CDH19: variants seen among roughly 807,000 people sequenced by gnomAD.
CDH19 encodes the protein cadherin 19.
A neutral mutation model predicts 64.2 loss-of-function variants in CDH19; 67 were observed. The observed-to-expected ratio is 1.04, with a 90% CI of 0.86 to 1.28. The LOEUF (loss-of-function observed/expected upper bound fraction) is 1.28. Ranked by LOEUF, CDH19 falls within the 50% of genes most tolerant of loss-of-function variation. The pLI, the probability that CDH19 is intolerant of heterozygous loss-of-function variation, is 0.00. For synonymous variants in CDH19, 346 were observed against 319.3 expected (o/e 1.08, Z -0.89); for missense variants, 1,030 against 929.0 (o/e 1.11, Z -1.41).
intron 9 of CDH19, among the ~76,000 whole-genome samples, chr18:66,524,627 TTAAAAA>T (rs1986149574): frequency 6.7e-6 from 1 of 149,964 alleles, no homozygotes; most frequent in African/African-American, 2.4e-5. Context: ...AAAAATATTT[TTAAAAA>T]TAAAAATAAA....
chr18:66,522,871 T>C (rs1296571470), intron 9 of CDH19, among the ~76,000 whole-genome samples: 2 of 151,696 alleles, frequency 1.3e-5, no homozygotes, highest in Non-Finnish European at 2.9e-5. Flanking sequence ...CTGTAGCAAT[T>C]TGATAGAAAT....
chr18:66,532,489 T>TACACACACAC (rs34280650), intron 8 of CDH19: 17,966 of 146,526 alleles, frequency 0.12, 1,207 homozygotes, highest in South Asian at 0.17. Flanking sequence ...AGAGCATTCA[T>TACACACACAC]ACACACACAC....
chr18:66,535,914 T>C (rs1986649829), intron 7 of CDH19, among the ~76,000 whole-genome samples: 2 of 147,172 alleles, frequency 1.4e-5, no homozygotes, highest in Non-Finnish European at 3.0e-5. Flanking sequence ...TATTTTTACA[T>C]ATAATATATA....
At chr18:66,554,568 C>T in intron 3 of CDH19, 44 bp from the exon 4 acceptor site, 2 of 1,573,070 alleles carry the variant, frequency 1.3e-6, no homozygotes, top group Non-Finnish European at 1.7e-6. Flanking sequence ...TGGTTTTATT[C>T]AGGATGAATT....
In CDH19 at chr18:66,587,127, G is replaced by C. The variant is rs150753857; in HGVS notation, c.-112-14811C>G. Among the ~76,000 whole-genome samples the C allele has an allele frequency of 1.9e-3, 294 of 152,138 alleles. 1 individual carries two copies. Among genetic ancestry groups the C allele is most frequent in the African/African-American group, 6.5e-3 (270 of 41,526 alleles). ...AGGTGATATTTCATCCCAGCACTCT[G>C]ACTAATCCTGCTCTTCAGCAAAGGA... On this transcript the variant is annotated intron_variant, in intron 1 of 11. Transcript: ENST00000262150.
rs1568202156 is a variant in CDH19, at chr18:66,568,567, G to A, written c.339C>T (p.Tyr113=). The A allele has an allele frequency of 1.9e-6, 3 of 1,612,260 alleles. No homozygotes were observed. Among genetic ancestry groups the A allele is most frequent in the East Asian group, 4.5e-5 (2 of 44,810 alleles). ...QKLDREERSL[Y]ILRAQVIDIA... Reference sequence around the variant, plus strand: ...TGTCTATTACCTGGGCTCTTAAGATGTAGAGGGATCGCTCCTCTCTATCAA... The same window carrying A: ...TGTCTATTACCTGGGCTCTTAAGATATAGAGGGATCGCTCCTCTCTATCAA... The change falls in exon 3 of 12, where the codon TAC becomes TAT. Residue 113 remains tyrosine, a synonymous_variant. Coordinates refer to ENST00000262150, the MANE Select transcript of CDH19 (RefSeq NM_021153.4).
intron 1 of CDH19, among the ~76,000 whole-genome samples, chr18:66,595,524 A>AC (rs1202863214): frequency 6.6e-6 from 1 of 150,886 alleles, no homozygotes; most frequent in Non-Finnish European, 1.5e-5. Context: ...AAAAAAAAAA[A>AC]AAAAAAAAAA....
chr18:66,524,572 AC>A, intron 9 of CDH19, among the ~76,000 whole-genome samples: 1 of 147,132 alleles, frequency 6.8e-6, no homozygotes, highest in African/African-American at 2.5e-5. Context: ...ATATATATAA[AC>A]ATCATCATGC....
At chr18:66,575,737 C>T (rs1988247068) in intron 1 of CDH19, among the ~76,000 whole-genome samples, 1 of 151,628 alleles carries the variant, frequency 6.6e-6, no homozygotes, top group African/African-American at 2.4e-5. Context: ...TAAAATAATA[C>T]TAGAAGGAAA....
Position 66,572,315 on chromosome 18 carries a change from A to G in CDH19, c.-111T>C. On this transcript the variant is annotated splice_region_variant and 5_prime_UTR_variant, in exon 2 of 12. Coordinates refer to ENST00000262150, the MANE Select transcript of CDH19 (RefSeq NM_021153.4). ...TTCTGATTCTGTGTACCTTCTATAT[A>G]CCTAAAGCGTCAGAAACAAAACAAA... The G allele has an allele frequency of 1.4e-6, 1 of 689,682 alleles. No homozygotes were observed. 42.7% of individuals were successfully genotyped at this position (689,682 alleles called of 1,614,324 possible).
At chr18:66,523,917 G>A (rs1986103293) in intron 9 of CDH19, among the ~76,000 whole-genome samples, 1 of 150,086 alleles carries the variant, frequency 6.7e-6, no homozygotes, top group Admixed American at 6.6e-5. Context: ...TGGGGGCGGG[G>A]GGGTTGGGGG....
chr18:66,551,011 T>C (rs1213637737), intron 5 of CDH19, 83 bp downstream of exon 5: 2 of 690,738 alleles, frequency 2.9e-6, no homozygotes, highest in Non-Finnish European at 4.7e-6. Flanking sequence ...GTAGTGCTTT[T>C]AGAATGAAAA....
intron 7 of CDH19, among the ~76,000 whole-genome samples, chr18:66,542,428 T>A (rs1392119617): frequency 6.6e-6 from 1 of 152,118 alleles, no homozygotes; most frequent in Non-Finnish European, 1.5e-5. Flanking sequence ...GGAGAAATCA[T>A]TACGTAACAA....
At chr18:66,526,381 C>T (rs1271327905) in intron 9 of CDH19, among the ~76,000 whole-genome samples, 1 of 152,070 alleles carries the variant, frequency 6.6e-6, no homozygotes, top group Non-Finnish European at 1.5e-5. Context: ...TATTTCTCTC[C>T]TCAGTAGAGT....
chr18:66,536,916 TTA>T (rs1284621223), intron 7 of CDH19, among the ~76,000 whole-genome samples: 1 of 151,804 alleles, frequency 6.6e-6, no homozygotes, highest in Non-Finnish European at 1.5e-5. Flanking sequence ...AACAGCTGAC[TTA>T]TTTAGATATG....
intron 5 of CDH19, among the ~76,000 whole-genome samples, chr18:66,545,363 G>T (rs912355251): frequency 1.3e-5 from 2 of 151,660 alleles, no homozygotes; most frequent in African/African-American, 2.4e-5. Context: ...TTCTTTATTT[G>T]TTCTCTTTTT....
intron 11 of CDH19, among the ~76,000 whole-genome samples, chr18:66,505,559 T>C (rs1021587093): frequency 3.0e-5 from 4 of 134,550 alleles, no homozygotes; most frequent in Non-Finnish European, 6.4e-5. Context: ...ATATATATAT[T>C]AATATATATA....
At chr18:66,521,637 G>T (rs1985990854) in intron 9 of CDH19, among the ~76,000 whole-genome samples, 1 of 151,550 alleles carries the variant, frequency 6.6e-6, no homozygotes, top group Admixed American at 6.6e-5. Flanking sequence ...CTGGGCTCAA[G>T]TAATCCTCCC....
chr18:66,594,624 C>G lies in CDH19; in HGVS notation c.-113+9330G>C, dbSNP rs191817745. Among the ~76,000 whole-genome samples, 32 of 151,744 alleles carry G rather than the reference C, an allele frequency of 2.1e-4. 1 individual carries two copies. The highest frequency in any genetic ancestry group is 1.9e-3 in the East Asian group (10 of 5,146). Reference sequence around the variant, plus strand: ...ATAACCCAAATGTCCAACAATGATACACTGGATTAAGAAAATGTGGCACAT... The same window carrying G: ...ATAACCCAAATGTCCAACAATGATAGACTGGATTAAGAAAATGTGGCACAT... On this transcript the variant is annotated intron_variant, in intron 1 of 11. Coordinates refer to ENST00000262150, the MANE Select transcript of CDH19 (RefSeq NM_021153.4).
Sources: allele counts gnomAD v4.1 joint callset (sites outside exome capture counted in the v4.1 genomes callset), GRCh38; gene constraint gnomAD v4.1.1; transcripts MANE v1.5; gene names NCBI Gene and HGNC (gene_info 2026-07-23, HGNC 2026-07-21).